CD2AP: variants seen among roughly 807,000 people sequenced by gnomAD.
The protein encoded by CD2AP is CD2-associated protein.
Under a neutral mutation model 85.1 loss-of-function variants are expected in CD2AP, and 46 were observed. The ratio of observed to expected loss-of-function variants is 0.54; its 90% CI spans 0.43 to 0.69. The LOEUF (loss-of-function observed/expected upper bound fraction) is 0.69. Ranked by LOEUF, CD2AP falls within the 30% of genes least tolerant of loss-of-function variation. The pLI, the probability that CD2AP is intolerant of heterozygous loss-of-function variation, is 0.00. For synonymous variants in CD2AP, 255 were observed against 252.9 expected, an observed-to-expected ratio of 1.01 and a Z score of -0.08; for missense variants, 769 against 729.5, an observed-to-expected ratio of 1.05 and a Z score of -0.62.
In CD2AP at chr6:47,482,407, C is replaced by G. The variant is rs1441741029; in HGVS notation, c.4+4159C>G. 2.2e-5 allele frequency among the ~76,000 whole-genome samples: 3 copies of G among 138,422 alleles called. No individual in the cohort carries two copies. The East Asian group carries it at 6.4e-4, about 29-fold the overall frequency. 90.8% of individuals were successfully genotyped at this position (138,422 alleles called of 152,430 possible). A position where few individuals can be genotyped will look rare whatever the true frequency, so the allele number is the denominator to read the frequency against. On this transcript the variant is annotated intron_variant, in intron 1 of 17. Transcript: ENST00000359314. ...TTTTTTTTTTTTTTTGAGATGGAGT[C>G]TTGCTCTGTCGCCCAGGCTGGAGTG...
chr6:47,566,301 A>AATATATATATATATAT (rs71831752), intron 5 of CD2AP, among the ~76,000 whole-genome samples: 49 of 110,194 alleles, frequency 4.4e-4, no homozygotes, highest in African/African-American at 1.3e-3. Context: ...TGCTCATTAG[A>AATATATATATATATAT]ATATATATAT....
chr6:47,507,681 G>A (rs1056374087), intron 2 of CD2AP, among the ~76,000 whole-genome samples: 3 of 152,076 alleles, frequency 2.0e-5, no homozygotes, highest in Non-Finnish European at 4.4e-5. Flanking sequence ...TCCTGACCTC[G>A]TGATCTGCCC....
At chr6:47,556,635 C>G (rs1336015136) in intron 5 of CD2AP, among the ~76,000 whole-genome samples, 1 of 152,134 alleles carries the variant, frequency 6.6e-6, no homozygotes, top group African/African-American at 2.4e-5. Flanking sequence ...AGGCGGGAGC[C>G]ACTGTGCCCA....
chr6:47,557,428 A>C (rs1031213620), intron 5 of CD2AP, among the ~76,000 whole-genome samples: 1 of 152,172 alleles, frequency 6.6e-6, no homozygotes, highest in Non-Finnish European at 1.5e-5. Context: ...GGTATTGACT[A>C]GGTTTTCTTC....
chr6:47,600,913 G>T (rs939337209), intron 13 of CD2AP, among the ~76,000 whole-genome samples: 5 of 151,962 alleles, frequency 3.3e-5, no homozygotes, highest in Admixed American at 3.3e-4. Context: ...AAATTTGGGG[G>T]ATCTTTATCA....
intron 1 of CD2AP, among the ~76,000 whole-genome samples, chr6:47,489,367 G>A (rs1388941331): frequency 6.6e-6 from 1 of 151,736 alleles, no homozygotes; most frequent in Non-Finnish European, 1.5e-5. Flanking sequence ...GTAGAGATGG[G>A]GTTTCACCAT....
At chr6:47,557,859 G>A (rs1767739234) in intron 5 of CD2AP, among the ~76,000 whole-genome samples, 1 of 152,152 alleles carries the variant, frequency 6.6e-6, no homozygotes, top group Admixed American at 6.5e-5. Flanking sequence ...CTAATTCTGT[G>A]AAGAAAGTCA....
chr6:47,572,657 GT>G (rs906042350), intron 5 of CD2AP, among the ~76,000 whole-genome samples: 2 of 152,186 alleles, frequency 1.3e-5, no homozygotes, highest in African/African-American at 4.8e-5. Flanking sequence ...TAAGACTGTG[GT>G]TTTGGGGTCA....
chr6:47,505,418 A>C (rs1766114293), intron 2 of CD2AP, among the ~76,000 whole-genome samples: 1 of 150,310 alleles, frequency 6.7e-6, no homozygotes, highest in African/African-American at 2.5e-5. Flanking sequence ...AAAGTCTCCC[A>C]TGTCTACCTC....
chr6:47,624,134 C>G, intron 17 of CD2AP, 52 bp from the exon 18 acceptor site: 1 of 1,391,742 alleles, frequency 7.2e-7, no homozygotes, highest in Non-Finnish European at 1.0e-6. Context: ...GTAAAATAAA[C>G]TACTAAACTA....
At chr6:47,543,224 T>TA (rs1247769276) in intron 3 of CD2AP, among the ~76,000 whole-genome samples, 1 of 150,712 alleles carries the variant, frequency 6.6e-6, no homozygotes, top group Non-Finnish European at 1.5e-5. Context: ...GAGTGTCTTC[T>TA]AAGCTGAGAA....
chr6:47,619,750 A>G (rs1203251637), intron 17 of CD2AP, among the ~76,000 whole-genome samples: 2 of 152,036 alleles, frequency 1.3e-5, no homozygotes, highest in African/African-American at 4.8e-5. Flanking sequence ...TGATTTTTTG[A>G]TTATGGCCAT....
intron 2 of CD2AP, among the ~76,000 whole-genome samples, chr6:47,526,199 T>C (rs995028361): frequency 6.6e-6 from 1 of 152,150 alleles, no homozygotes; most frequent in African/African-American, 2.4e-5. Flanking sequence ...AGTAGTCTGG[T>C]AGAGGCACTA....
Position 47,609,237 on chromosome 6 carries a change from C to T in CD2AP, c.1747C>T (p.Leu583=). 1.2e-6 allele frequency: 2 copies of T among 1,613,536 alleles called. No homozygotes were observed. The highest frequency in any genetic ancestry group is 1.7e-6 in the Non-Finnish European group (2 of 1,179,710). Residue 583 remains leucine, a synonymous_variant, in exon 16 of 18, where the codon CTG becomes TTG. Transcript: ENST00000359314. ...AACAGATGATGTGAAAAAAAATTCC[C>T]TGGATGAACTTAGAGCCCAGATTAT... ...VETDDVKKNS[L]DELRAQIIEL... is the part of the protein sequence containing the mutation.
At position 47,537,925 on chromosome 6, in the gene CD2AP, AT is replaced by A. The variant is rs541496275; in HGVS notation, c.319+4175del. Among the ~76,000 whole-genome samples the A allele has an allele frequency of 3.9e-3, 594 of 150,912 alleles. 4 individuals carry two copies. Among genetic ancestry groups the A allele is most frequent in the African/African-American group, 0.014 (563 of 41,178 alleles). Reference sequence around the variant, plus strand: ...CCACTGCACCTGGCTAATTTTTTCTATTTTTAGTAGTGATGGGGTTTCACCA... The same window carrying A: ...CCACTGCACCTGGCTAATTTTTTCTATTTTAGTAGTGATGGGGTTTCACCA... On this transcript the variant is annotated intron_variant, in intron 3 of 17. Transcript: ENST00000359314.
At chr6:47,584,122 CTTTGTATAT>C (rs1768556364) in intron 11 of CD2AP, among the ~76,000 whole-genome samples, 1 of 151,872 alleles carries the variant, frequency 6.6e-6, no homozygotes, top group South Asian at 2.1e-4. Flanking sequence ...CAGTTTCTTT[CTTTGTATAT>C]TTTGTATAGC....
chr6:47,577,271 G>C (rs544251626), intron 8 of CD2AP, among the ~76,000 whole-genome samples, 168 bp downstream of exon 8: 32 of 152,258 alleles, frequency 2.1e-4, no homozygotes, highest in African/African-American at 7.5e-4. Flanking sequence ...TAAGTGCTCA[G>C]AACGTTCTCT....
rs896511050 is a variant in CD2AP at position 47,607,996 on chromosome 6, G to A, written c.1600G>A (p.Glu534Lys). The A allele has an allele frequency of 1.9e-6, 3 of 1,612,794 alleles. No homozygotes were observed. The African/African-American group carries it at 4.0e-5, about 22-fold the overall frequency. ...AGACAGTGCCAACCTGAAGCCATCTGAATTAAAAAAAGATACATGCTACTC... is the reference window on the plus strand; with the variant it reads ...AGACAGTGCCAACCTGAAGCCATCTAAATTAAAAAAAGATACATGCTACTC... The part of the protein sequence containing the change: ...EEDSANLKPS[E>K]LKKDTCYSPK... The change falls in exon 15 of 18, where the codon GAA (glutamate) becomes AAA (lysine). Residue 534 changes from glutamate (E) to lysine (K), a missense_variant. Physicochemically the swap from Glu to Lys is moderately conservative, Grantham distance 56. Transcript: ENST00000359314.
At chr6:47,505,546 C>T (rs1199109949) in intron 2 of CD2AP, among the ~76,000 whole-genome samples, 3 of 149,448 alleles carry the variant, frequency 2.0e-5, no homozygotes, top group Admixed American at 1.3e-4. Flanking sequence ...CCGTTGGGCA[C>T]ACCTCCCAGA....
Sources: allele counts gnomAD v4.1 joint callset (sites outside exome capture counted in the v4.1 genomes callset), GRCh38; gene constraint gnomAD v4.1.1; transcripts MANE v1.5; gene names NCBI Gene and HGNC (gene_info 2026-07-23, HGNC 2026-07-21).